Variants in MAEL observed in about 807,000 individuals in gnomAD.
MAEL encodes protein maelstrom homolog.
MAEL carries 46 observed loss-of-function variants against 62.0 expected under a neutral mutation model. The ratio of observed to expected loss-of-function variants is 0.74; its 90% CI spans 0.59 to 0.95. The LOEUF is 0.95. MAEL is among the 40% of genes least tolerant of loss of function. The pLI, the probability that MAEL is intolerant of heterozygous loss-of-function variation, is 0.00. For missense variants in MAEL, 497 were observed against 526.8 expected, an observed-to-expected ratio of 0.94 and a Z score of 0.55; for synonymous variants, 172 against 175.5, an observed-to-expected ratio of 0.98 and a Z score of 0.16.
intron 3 of MAEL, among the ~76,000 whole-genome samples, chr1:166,991,719 A>G (rs923882501): frequency 1.3e-5 from 2 of 152,102 alleles, no homozygotes; most frequent in South Asian, 4.1e-4. Flanking sequence ...GTTGTTAAAC[A>G]TAGGTATTTT....
chr1:166,989,648 C>G (rs983558185), intron 1 of MAEL, 89 bp from the exon 2 acceptor site: 7 of 1,461,600 alleles, frequency 4.8e-6, no homozygotes, highest in Non-Finnish European at 6.5e-6. Context: ...AGAACCACCT[C>G]CCTGTAATGC....
chr1:166,991,223 T>C (rs1664160478), intron 2 of MAEL, among the ~76,000 whole-genome samples, 155 bp from the exon 3 acceptor site: 1 of 152,216 alleles, frequency 6.6e-6, no homozygotes, highest in African/African-American at 2.4e-5. Flanking sequence ...ATTCTGCCTT[T>C]GGGTGTTGGT....
Position 166,991,338 on chromosome 1 carries a change from A to T in MAEL, c.226-40A>T, listed in dbSNP as rs1664164902. ...TTTAATGTATGGTCTAAAAGTGCCC[A>T]GCAAGAGTTTATGTGGCCAATCATT... On this transcript the variant is annotated intron_variant, in intron 2 of 11. Transcript: ENST00000367872. 4 of 1,328,350 alleles carry T rather than the reference A, an allele frequency of 3.0e-6. No homozygotes were observed. The South Asian group carries it at 4.7e-5, about 16-fold the overall frequency. The allele number at this position is 1,328,350 out of a possible 1,614,324, so 82.3% of individuals were successfully genotyped here.
chr1:166,999,626 C>T (rs1021753681), intron 5 of MAEL, among the ~76,000 whole-genome samples: 5 of 152,174 alleles, frequency 3.3e-5, no homozygotes, highest in African/African-American at 1.2e-4. Flanking sequence ...GATAACTGAT[C>T]AAGGTGGCTA....
chr1:166,979,488 T>C (rs1353419987), intron 1 of MAEL, among the ~76,000 whole-genome samples: 1 of 152,196 alleles, frequency 6.6e-6, no homozygotes, highest in Non-Finnish European at 1.5e-5. Context: ...TCTTGAAGTC[T>C]TTTCATGTTG....
intron 10 of MAEL, among the ~76,000 whole-genome samples, chr1:167,019,365 T>G (rs547631502): frequency 6.6e-6 from 1 of 152,270 alleles, no homozygotes; most frequent in African/African-American, 2.4e-5. Flanking sequence ...TGCCTTTTCA[T>G]TGTTTATATC....
intron 1 of MAEL, among the ~76,000 whole-genome samples, chr1:166,979,887 A>T (rs1663706845): frequency 6.6e-6 from 1 of 152,260 alleles, no homozygotes; most frequent in Non-Finnish European, 1.5e-5. Context: ...AAAAAAGAAC[A>T]TAAAAGTATA....
At chr1:166,989,045 G>C (rs992714531), upstream of MAEL, 1 of 363,574 alleles carries the variant, frequency 2.8e-6, no homozygotes, top group African/African-American at 2.1e-5. Flanking sequence ...ACGCAATAAT[G>C]TACAGAAATT....
At chr1:166,993,531 C>T (rs1281587546) in intron 4 of MAEL, among the ~76,000 whole-genome samples, 1 of 152,144 alleles carries the variant, frequency 6.6e-6, no homozygotes, top group Non-Finnish European at 1.5e-5. Flanking sequence ...ATTAGGACAT[C>T]CCAGCACTTT....
chr1:167,021,143 G>C lies in MAEL; in HGVS notation c.1100G>C (p.Arg367Thr). Residue 367 changes from arginine (R) to threonine (T), a missense_variant, in exon 11 of 12, where the codon AGA (arginine) becomes ACA (threonine). Arg to Thr is a moderately conservative substitution (Grantham distance 71, BLOSUM62 -1). Transcript: ENST00000367872. ...SHFNSSNEEQ[R>T]SNTPIGDYPS... ...TTCAACTCTTCTAATGAGGAACAAAGATCAAACACACCCATTGGTAAGCAA... is the reference window on the plus strand; with the variant it reads ...TTCAACTCTTCTAATGAGGAACAAACATCAAACACACCCATTGGTAAGCAA... 1 of 1,612,028 alleles carries C rather than the reference G, an allele frequency of 6.2e-7. No homozygotes were observed.
chr1:166,991,828 C>T (rs187442206), intron 3 of MAEL, among the ~76,000 whole-genome samples: 1 of 152,188 alleles, frequency 6.6e-6, no homozygotes, highest in East Asian at 1.9e-4. Flanking sequence ...AGTGTGATGA[C>T]TACGTTAATG....
intron 6 of MAEL, 110 bp downstream of exon 6, chr1:167,004,414 A>G (rs1425913884): frequency 1.1e-6 from 1 of 939,290 alleles, no homozygotes; most frequent in Non-Finnish European, 1.5e-6. Flanking sequence ...GTGTGTCTTA[A>G]AACACACTCA....
chr1:166,992,697 G>C lies in MAEL; in HGVS notation c.337G>C (p.Gly113Arg), dbSNP rs576124395. The change falls in exon 4 of 12, where the codon GGC (glycine) becomes CGC (arginine). Residue 113 changes from glycine to arginine, a missense_variant. Gly to Arg is a moderately radical substitution (Grantham distance 125, BLOSUM62 -2). Transcript: ENST00000367872. ...CAATTTTTTTTTAGCTCTCCTTGGA[G>C]GCATTTTTTATTTTTTGAACATTTT... ...SLKGDQALLG[G>R]IFYFLNIFSH... 1.4e-5 allele frequency: 22 copies of C among 1,588,284 alleles called. No homozygotes were observed. Among genetic ancestry groups the C allele is most frequent in the Non-Finnish European group, 1.7e-5 (20 of 1,172,114 alleles).
At chr1:166,992,403 CTTAT>C (rs1402290603) in intron 3 of MAEL, among the ~76,000 whole-genome samples, 1 of 152,112 alleles carries the variant, frequency 6.6e-6, no homozygotes, top group Non-Finnish European at 1.5e-5. Flanking sequence ...AGATTCAGGG[CTTAT>C]CTATGGCCGA....
intron 9 of MAEL, among the ~76,000 whole-genome samples, chr1:167,017,534 C>T (rs1665447906): frequency 6.6e-6 from 1 of 152,102 alleles, no homozygotes; most frequent in Admixed American, 6.6e-5. Context: ...CTGCCGCTGC[C>T]CTCTCCTTGC....
At chr1:166,998,883 T>C (rs926928572) in intron 5 of MAEL, among the ~76,000 whole-genome samples, 17 of 152,204 alleles carry the variant, frequency 1.1e-4, no homozygotes, top group Non-Finnish European at 2.1e-4. Context: ...TATCATCATG[T>C]TTGCTATGGT....
chr1:166,984,820 A>C (rs72689320), upstream of MAEL, among the ~76,000 whole-genome samples: 1,440 of 152,288 alleles, frequency 9.5e-3, 11 homozygotes, highest in Admixed American at 0.014. Context: ...AATTCTTCAC[A>C]TGACTAGCTC....
intron 8 of MAEL, among the ~76,000 whole-genome samples, chr1:167,006,624 T>C (rs1469430551): frequency 0.03 from 2,995 of 98,904 alleles, 100 homozygotes; most frequent in African/African-American, 0.044. Context: ...TATATATATA[T>C]ATATATATAT....
intron 8 of MAEL, among the ~76,000 whole-genome samples, chr1:167,008,961 TTAATATA>T (rs1204977568): frequency 3.2e-5 from 4 of 123,678 alleles, no homozygotes; most frequent in African/African-American, 1.5e-4. Flanking sequence ...TTTTGCTGAC[TTAATATA>T]TAATCAATTT....
Sources: gnomAD v4.1 joint callset for allele counts (sites outside exome capture counted in the v4.1 genomes callset) on GRCh38, gnomAD v4.1.1 for gene constraint, MANE v1.5 for transcripts, NCBI Gene and HGNC (gene_info 2026-07-23, HGNC 2026-07-21) for gene names.